LMO7: variants seen among roughly 807,000 people sequenced by gnomAD.
LMO7 encodes the protein LIM domain 7.
Under a neutral mutation model 206.5 loss-of-function variants are expected in LMO7, and 120 were observed. That is an observed-to-expected ratio of 0.58 (90% CI 0.50 to 0.68). LMO7 has a LOEUF of 0.68. Ranked by LOEUF, LMO7 falls within the 30% of genes least tolerant of loss-of-function variation. The probability of loss-of-function intolerance (pLI) is 0.00; values close to 1 mark genes in which losing one functional copy is unlikely to be tolerated. For missense variants in LMO7, 1,959 were observed against 1,957.9 expected (o/e 1.00, Z -0.01); for synonymous variants, 706 against 681.5 (o/e 1.04, Z -0.56).
intron 25 of LMO7, among the ~76,000 whole-genome samples, chr13:75,843,414 C>T (rs1871028764): frequency 6.6e-6 from 1 of 152,188 alleles, no homozygotes; most frequent in African/African-American, 2.4e-5. Flanking sequence ...GAGAAGAACA[C>T]TGCCTCTTTA....
intron 4 of LMO7, among the ~76,000 whole-genome samples, chr13:75,767,504 A>G (rs1300177792): frequency 6.6e-6 from 1 of 152,100 alleles, no homozygotes. Context: ...CACTCCTTCT[A>G]AAGTCAAGTT....
At position 75,817,288 on chromosome 13, in the gene LMO7, T is replaced by C. The variant is rs1291370550; in HGVS notation, c.2064+10T>C. ...TCAGAAATGGCAGGATGTGAGTATTTTGGGGATTGGAGGGGAGAGAGTGTA... is the reference window on the plus strand; with the variant it reads ...TCAGAAATGGCAGGATGTGAGTATTCTGGGGATTGGAGGGGAGAGAGTGTA... On this transcript the variant is annotated intron_variant, in intron 12 of 30. Coordinates refer to ENST00000377534, the MANE Select transcript of LMO7 (RefSeq NM_001306080.2). The C allele has an allele frequency of 6.4e-7, 1 of 1,551,812 alleles. No homozygotes were observed. Among genetic ancestry groups the C allele is most frequent in the Admixed American group, 1.7e-5 (1 of 59,900 alleles).
At position 75,741,336 on chromosome 13, in the gene LMO7, C is replaced by T. The variant is rs567068666; in HGVS notation, c.210+14238C>T. On this transcript the variant is annotated intron_variant, in intron 3 of 30. Transcript: ENST00000377534. ...GACATAGGAGAGTACTATAGTATTA[C>T]CATTATCAATGTATTATTCTACTTG... Among the ~76,000 whole-genome samples the T allele has an allele frequency of 9.2e-5, 14 of 152,206 alleles. No homozygotes were observed. In the East Asian group the frequency reaches 1.9e-3, roughly 21 times the overall value.
Position 75,781,624 on chromosome 13 carries a change from A to G in LMO7, c.318-13777A>G, listed in dbSNP as rs1303117895. On this transcript the variant is annotated intron_variant, in intron 4 of 30. Coordinates refer to ENST00000377534, the MANE Select transcript of LMO7 (RefSeq NM_001306080.2). ...TGTCTTTATAGCAGCATGATTTATA[A>G]TCCTTTGGGTATATACCCAGTAATG... Among the ~76,000 whole-genome samples the G allele has an allele frequency of 1.3e-4, 19 of 151,670 alleles. No homozygotes were observed. The East Asian group carries it at 3.5e-3, about 28-fold the overall frequency.
At chr13:75,714,979 C>T (rs544119690) in intron 2 of LMO7, among the ~76,000 whole-genome samples, 102 of 151,924 alleles carry the variant, frequency 6.7e-4, no homozygotes, top group African/African-American at 2.3e-3. Context: ...CTATGAAGCA[C>T]GGAGTTTCTT....
Position 75,849,213 on chromosome 13 carries a change from C to A in LMO7, c.4285C>A (p.His1429Asn). The A allele has an allele frequency of 6.2e-7, 1 of 1,614,106 alleles. No individual in the cohort carries two copies. The highest frequency in any genetic ancestry group is 8.5e-7 in the Non-Finnish European group (1 of 1,179,966). Residue 1429 changes from histidine to asparagine, a missense_variant, in exon 27 of 31, where the codon CAC becomes AAC. His to Asn is a moderately conservative substitution (Grantham distance 68). Coordinates refer to ENST00000377534, the MANE Select transcript of LMO7 (RefSeq NM_001306080.2). ...LQEMRKRTPL[H>N]NDNSWIRQRS... ...GGAAATGAGGAAGAGAACACCCCTT[C>A]ACAATGACAACAGCTGGATCCGACA... is the stretch of plus-strand genomic sequence containing the variant.
intron 1 of LMO7, among the ~76,000 whole-genome samples, chr13:75,665,727 A>G (rs1006773419): frequency 4.6e-5 from 7 of 152,132 alleles, no homozygotes; most frequent in Non-Finnish European, 7.4e-5. Context: ...GGGTTTCACC[A>G]TGTTGGCCAG....
At chr13:75,711,880 C>G (rs2043158208) in intron 1 of LMO7, among the ~76,000 whole-genome samples, 1 of 152,192 alleles carries the variant, frequency 6.6e-6, no homozygotes, top group African/African-American at 2.4e-5. Context: ...GACACTCAGC[C>G]TTTGTTTAAG....
intron 1 of LMO7, among the ~76,000 whole-genome samples, chr13:75,646,746 G>A (rs1426600637): frequency 6.6e-6 from 1 of 151,982 alleles, no homozygotes; most frequent in Admixed American, 6.6e-5. Context: ...ACCACACCCG[G>A]CTGATTTTTT....
At chr13:75,845,758 A>G (rs2059942569) in intron 26 of LMO7, among the ~76,000 whole-genome samples, 1 of 152,242 alleles carries the variant, frequency 6.6e-6, no homozygotes, top group Admixed American at 6.5e-5. Context: ...TATACATGTA[A>G]ATGCCAAAAT....
intron 1 of LMO7, among the ~76,000 whole-genome samples, chr13:75,668,332 G>C (rs1323679109): frequency 6.6e-6 from 1 of 152,164 alleles, no homozygotes; most frequent in African/African-American, 2.4e-5. Flanking sequence ...TGCCTTCACT[G>C]GTATGCTTGG....
At chr13:75,677,088 T>A (rs1397676668) in intron 1 of LMO7, among the ~76,000 whole-genome samples, 1 of 152,166 alleles carries the variant, frequency 6.6e-6, no homozygotes, top group Admixed American at 6.5e-5. Context: ...GATTTATTCT[T>A]CACAATTTTG....
intron 26 of LMO7, among the ~76,000 whole-genome samples, chr13:75,845,611 A>G (rs941029675): frequency 6.6e-6 from 1 of 152,228 alleles, no homozygotes; most frequent in Non-Finnish European, 1.5e-5. Flanking sequence ...TAAATTGCTA[A>G]TGAAATATGT....
intron 30 of LMO7, 95 bp downstream of exon 30, chr13:75,856,703 G>C: frequency 1.3e-6 from 1 of 749,898 alleles, no homozygotes; most frequent in South Asian, 1.4e-5. Context: ...TCCCCTCCAA[G>C]TTCACTGCCA....
At chr13:75,664,549 GGGATTACT>G (rs1364102480) in intron 1 of LMO7, among the ~76,000 whole-genome samples, 6 of 152,158 alleles carry the variant, frequency 3.9e-5, no homozygotes, top group Non-Finnish European at 8.8e-5. Context: ...ACCTAAGAGT[GGGATTACT>G]GGATCTTAAG....
At chr13:75,741,853 T>A (rs992262428) in intron 3 of LMO7, among the ~76,000 whole-genome samples, 3 of 152,114 alleles carry the variant, frequency 2.0e-5, no homozygotes, top group Admixed American at 6.5e-5. Flanking sequence ...CTACTCCTAC[T>A]CAACATAGTA....
Position 75,736,046 on chromosome 13 carries a change from T to C in LMO7, c.210+8948T>C, listed in dbSNP as rs769961931. Among the ~76,000 whole-genome samples the C allele has an allele frequency of 2.0e-4, 30 of 152,178 alleles. 1 individual carries two copies. Among genetic ancestry groups the C allele is most frequent in the Non-Finnish European group, 1.5e-5 (1 of 68,032 alleles). ...GTAGTGGTTTGTTGTTGTTGGCCAG[T>C]GGAGGTTTTATTCAATTTTCTGATC... On this transcript the variant is annotated intron_variant, in intron 3 of 30. Transcript: ENST00000377534.
At chr13:75,659,107 C>CT (rs1486082701) in intron 1 of LMO7, among the ~76,000 whole-genome samples, 1 of 152,014 alleles carries the variant, frequency 6.6e-6, no homozygotes, top group East Asian at 1.9e-4. Flanking sequence ...GTATCTTTGA[C>CT]TTTTTTCTAT....
At chr13:75,655,672 T>C (rs2038003818) in intron 1 of LMO7, among the ~76,000 whole-genome samples, 2 of 37,752 alleles carry the variant, frequency 5.3e-5, no homozygotes, top group South Asian at 1.9e-3. Flanking sequence ...TATATATATA[T>C]ATATATATAT....
Sources: gnomAD v4.1 joint callset for allele counts (sites outside exome capture counted in the v4.1 genomes callset) on GRCh38, gnomAD v4.1.1 for gene constraint, MANE v1.5 for transcripts, NCBI Gene and HGNC (gene_info 2026-07-23, HGNC 2026-07-21) for gene names.